The following CHD7 variants were observed in gnomAD, a reference collection of about 807,000 sequenced individuals.
CHD7 encodes the protein chromodomain helicase DNA binding protein 7, also known as ATP-dependent chromatin remodeler CHD7.
CHD7 carries 24 observed loss-of-function variants against 307.3 expected under a neutral mutation model. That is an observed-to-expected ratio of 0.08 (90% CI 0.06 to 0.11). CHD7 has a LOEUF of 0.11. Ranked by LOEUF, CHD7 falls within the 10% of genes least tolerant of loss-of-function variation. The probability of loss-of-function intolerance (pLI) is 1.00; values close to 1 mark genes in which losing one functional copy is unlikely to be tolerated. For synonymous variants in CHD7, 1,363 were observed against 1,349.9 expected, an observed-to-expected ratio of 1.01 and a Z score of -0.21; for missense variants, 3,106 against 3,727.1, an observed-to-expected ratio of 0.83 and a Z score of 4.34.
At chr8:60,681,194 C>T (rs1232569529) in intron 1 of CHD7, among the ~76,000 whole-genome samples, 1 of 152,104 alleles carries the variant, frequency 6.6e-6, no homozygotes, top group Non-Finnish European at 1.5e-5. Context: ...CCTGATTTAT[C>T]CCAGTTATAA....
chr8:60,736,644 A>G (rs1808730022), intron 1 of CHD7, among the ~76,000 whole-genome samples: 2 of 152,198 alleles, frequency 1.3e-5, no homozygotes, highest in African/African-American at 4.8e-5. Flanking sequence ...ACTCAAAATC[A>G]AACCATAAGC....
chr8:60,795,951 G>T (rs1258951322), intron 4 of CHD7, among the ~76,000 whole-genome samples: 1 of 152,176 alleles, frequency 6.6e-6, no homozygotes, highest in African/African-American at 2.4e-5. Flanking sequence ...GCCTCTAGAA[G>T]CTTACTGGAC....
At chr8:60,853,829 GTGGTCAT>G (rs1490592231) in intron 31 of CHD7, among the ~76,000 whole-genome samples, 2 of 152,174 alleles carry the variant, frequency 1.3e-5, no homozygotes, top group East Asian at 3.8e-4. Flanking sequence ...GTGAGGGAAG[GTGGTCAT>G]TCACTGAGTA....
chr8:60,766,366 G>A (rs536247835), intron 2 of CHD7, among the ~76,000 whole-genome samples: 1 of 152,248 alleles, frequency 6.6e-6, no homozygotes, highest in African/African-American at 2.4e-5. Context: ...CCATGGTGAG[G>A]TGAGGACTTT....
At chr8:60,814,377 A>G (rs1803627794) in intron 7 of CHD7, among the ~76,000 whole-genome samples, 1 of 152,360 alleles carries the variant, frequency 6.6e-6, no homozygotes, top group Admixed American at 6.5e-5. Context: ...GACTGACTGC[A>G]CATGTGCCTT....
At position 60,818,128 on chromosome 8, in the gene CHD7, T is replaced by A. The variant is rs999705668; in HGVS notation, c.2613+1627T>A. Among the ~76,000 whole-genome samples the A allele has an allele frequency of 1.2e-4, 18 of 152,272 alleles. No individual in the cohort carries two copies. In the South Asian group the frequency reaches 2.9e-3, roughly 25 times the overall value. On this transcript the variant is annotated intron_variant, in intron 8 of 37. Transcript: ENST00000423902. Reference sequence around the variant, plus strand: ...CCCCTTCCTCCCTCTCTTTTATACATGAAAGTGCACACGCCCCCGTTTGTT... The same window carrying A: ...CCCCTTCCTCCCTCTCTTTTATACAAGAAAGTGCACACGCCCCCGTTTGTT...
chr8:60,811,218 C>T (rs6994642), intron 7 of CHD7, among the ~76,000 whole-genome samples: 26,431 of 152,022 alleles, frequency 0.17, 3,382 homozygotes, highest in African/African-American at 0.36. Context: ...CTTTTAGCCC[C>T]CGCTTGTTGA....
intron 1 of CHD7, among the ~76,000 whole-genome samples, chr8:60,694,170 A>G (rs2150494209): frequency 6.6e-6 from 1 of 152,372 alleles, no homozygotes; most frequent in East Asian, 1.9e-4. Flanking sequence ...CTTATAACAG[A>G]ATCTTTTTGG....
chr8:60,758,905 G>T (rs1047630539), intron 2 of CHD7, among the ~76,000 whole-genome samples: 1 of 152,128 alleles, frequency 6.6e-6, no homozygotes, highest in South Asian at 2.1e-4. Context: ...AAATGAGTTG[G>T]CTTACTTTTT....
intron 7 of CHD7, among the ~76,000 whole-genome samples, chr8:60,813,270 G>T (rs1247108517): frequency 1.3e-5 from 2 of 152,004 alleles, no homozygotes; most frequent in Non-Finnish European, 2.9e-5. Context: ...CTACATTGCT[G>T]GATTATTTTA....
chr8:60,752,059 A>G (rs1303298169), intron 2 of CHD7, among the ~76,000 whole-genome samples: 2 of 152,114 alleles, frequency 1.3e-5, no homozygotes, highest in Non-Finnish European at 2.9e-5. Context: ...TTTAAAGTGT[A>G]TTTGTCCTGT....
In CHD7 at chr8:60,845,429, A is replaced by ACCTG; in HGVS notation, c.5210+21_5210+24dup. 1 of 1,611,784 alleles carries ACCTG rather than the reference A, an allele frequency of 6.2e-7. No individual in the cohort carries two copies. Among genetic ancestry groups the ACCTG allele is most frequent in the African/African-American group, 1.3e-5 (1 of 74,904 alleles). ...TAACAAGTATGTTATTAGAGGGTGG[A>ACCTG]CCTGGAGAGCTTAATTCCCTTTTTA... On this transcript the variant is annotated intron_variant, in intron 23 of 37. Transcript: ENST00000423902.
chr8:60,754,049 AGTTT>A (rs1809771052), intron 2 of CHD7, among the ~76,000 whole-genome samples: 1 of 152,204 alleles, frequency 6.6e-6, no homozygotes, highest in Admixed American at 6.5e-5. Context: ...GACAAGTGTC[AGTTT>A]ATTTCTTTCA....
At chr8:60,833,100 G>A (rs1442929871) in intron 15 of CHD7, among the ~76,000 whole-genome samples, 1 of 152,194 alleles carries the variant, frequency 6.6e-6, no homozygotes, top group African/African-American at 2.4e-5. Context: ...CTCATCCACA[G>A]TCTGGAGTAA....
At chr8:60,739,864 A>C (rs752404784) in intron 1 of CHD7, among the ~76,000 whole-genome samples, 32 of 152,012 alleles carry the variant, frequency 2.1e-4, no homozygotes, top group Non-Finnish European at 1.3e-4. Flanking sequence ...TTTATGACTG[A>C]GCCTGTTTTT....
intron 1 of CHD7, among the ~76,000 whole-genome samples, chr8:60,687,571 C>T (rs1348760467): frequency 6.6e-6 from 1 of 152,132 alleles, no homozygotes; most frequent in Non-Finnish European, 1.5e-5. Flanking sequence ...TAACAGTGTA[C>T]CCCACCCTGA....
chr8:60,737,707 C>G (rs1020323891), intron 1 of CHD7, among the ~76,000 whole-genome samples: 1 of 152,182 alleles, frequency 6.6e-6, no homozygotes, highest in East Asian at 1.9e-4. Flanking sequence ...TACTATGTCT[C>G]CATTATATGC....
chr8:60,750,625 A>T (rs1809596268), intron 2 of CHD7, among the ~76,000 whole-genome samples: 1 of 152,246 alleles, frequency 6.6e-6, no homozygotes, highest in African/African-American at 2.4e-5. Context: ...AAGACATTTC[A>T]ACATGTAGTC....
rs10094382 is a variant in CHD7 at position 60,860,726 on chromosome 8, C to T, written c.7609-178C>T. ...CTGGGATTACAGGCGTGAGCCACCG[C>T]GCCCAGCCTCATTTTCTGACTTTTA... On this transcript the variant is annotated intron_variant, in intron 34 of 37. Transcript: ENST00000423902. Among the ~76,000 whole-genome samples, 71,164 of 152,190 alleles carry T rather than the reference C, an allele frequency of 0.47. 20,001 individuals carry two copies. The highest frequency in any genetic ancestry group is 0.73 in the East Asian group (3,793 of 5,174).
Sources: allele counts gnomAD v4.1 joint callset (sites outside exome capture counted in the v4.1 genomes callset), GRCh38; gene constraint gnomAD v4.1.1; transcripts MANE v1.5; gene names NCBI Gene and HGNC (gene_info 2026-07-23, HGNC 2026-07-21).